The following RALYL variants were observed in gnomAD, a reference collection of about 807,000 sequenced individuals.
RALYL encodes the protein RALY RNA binding protein like.
Under a neutral mutation model 35.1 loss-of-function variants are expected in RALYL, and 29 were observed. The ratio of observed to expected loss-of-function variants is 0.83; its 90% CI spans 0.61 to 1.13. The LOEUF (loss-of-function observed/expected upper bound fraction) is 1.13, where lower values mean the gene tolerates loss of function less well. Among genes scored for constraint, RALYL ranks in the 50% most tolerant of loss-of-function variants. RALYL has a pLI of 0.00. For synonymous variants in RALYL, 120 were observed against 127.6 expected, an observed-to-expected ratio of 0.94 and a Z score of 0.40; for missense variants, 359 against 360.4, an observed-to-expected ratio of 1.00 and a Z score of 0.03.
At chr8:84,278,635 C>G (rs1003970562) in intron 1 of RALYL, among the ~76,000 whole-genome samples, 1 of 152,192 alleles carries the variant, frequency 6.6e-6, no homozygotes, top group African/African-American at 2.4e-5. Context: ...AATCGTCTCT[C>G]TCAAGTTCAA....
At chr8:84,338,140 A>G (rs1468703277) in intron 1 of RALYL, among the ~76,000 whole-genome samples, 1 of 151,892 alleles carries the variant, frequency 6.6e-6, no homozygotes, top group Non-Finnish European at 1.5e-5. Flanking sequence ...TTAGAGAATG[A>G]GATACCTTAC....
At chr8:84,339,998 T>C (rs1304373324) in intron 1 of RALYL, among the ~76,000 whole-genome samples, 1 of 152,094 alleles carries the variant, frequency 6.6e-6, no homozygotes, top group Non-Finnish European at 1.5e-5. Flanking sequence ...TTTCCCATGC[T>C]GTTCCCGTGA....
intron 1 of RALYL, among the ~76,000 whole-genome samples, chr8:84,388,291 C>T (rs1164036915): frequency 2.0e-5 from 3 of 151,932 alleles, no homozygotes; most frequent in East Asian, 3.9e-4. Flanking sequence ...TGATTAGTGC[C>T]GCAATAAACA....
At chr8:84,766,562 T>TAAAA (rs1208957585) in intron 2 of RALYL, among the ~76,000 whole-genome samples, 1 of 144,930 alleles carries the variant, frequency 6.9e-6, no homozygotes, top group Non-Finnish European at 1.5e-5. Flanking sequence ...AATAAATAAA[T>TAAAA]AAATAAATAA....
intron 2 of RALYL, among the ~76,000 whole-genome samples, chr8:84,602,955 G>A (rs766961933): frequency 1.3e-5 from 2 of 152,060 alleles, no homozygotes; most frequent in African/African-American, 4.8e-5. Context: ...TTAAGCTGAG[G>A]CTTGAGAGAT....
intron 2 of RALYL, among the ~76,000 whole-genome samples, chr8:84,770,406 T>TCATATATATATACATATATATATATACA (rs550466476): frequency 1.2e-4 from 18 of 150,186 alleles, no homozygotes; most frequent in African/African-American, 2.9e-4. Context: ...TAGTAGTCCA[T>TCATATATATATACATATATATATATACA]CATATATATA....
chr8:84,477,340 T>TATCCATC lies in RALYL; in HGVS notation c.-23-51958_-23-51952dup, dbSNP rs543466572. ...TTTCATCATAAGCACTGTGTGTGTG[T>TATCCATC]ATCCATCTATCTATTGATTTACATA... On this transcript the variant is annotated intron_variant, in intron 1 of 8. Coordinates refer to ENST00000521268, the MANE Select transcript of RALYL (RefSeq NM_173848.7). 6.9e-4 allele frequency among the ~76,000 whole-genome samples: 103 copies of TATCCATC among 149,380 alleles called. 2 individuals carry two copies. The highest frequency in any genetic ancestry group is 3.9e-3 in the Admixed American group (58 of 14,748).
At position 84,833,868 on chromosome 8, in the gene RALYL, T is replaced by C. The variant is rs566824020; in HGVS notation, c.366-16112T>C. On this transcript the variant is annotated intron_variant, in intron 4 of 8. Transcript: ENST00000521268. ...AGAATTTTGAAGACAATGAAATTAT[T>C]TGATATATGTAAAGCATTTAGAATA... Among the ~76,000 whole-genome samples, 133 of 151,646 alleles carry C rather than the reference T, an allele frequency of 8.8e-4. 3 individuals are homozygous for C. Among genetic ancestry groups the C allele is most frequent in the African/African-American group, 3.2e-3 (132 of 41,390 alleles).
intron 2 of RALYL, among the ~76,000 whole-genome samples, chr8:84,723,542 C>G (rs1427752959): frequency 6.6e-6 from 1 of 151,922 alleles, no homozygotes; most frequent in Non-Finnish European, 1.5e-5. Flanking sequence ...GTTATCGAAG[C>G]TAAACTTTTG....
At chr8:84,391,306 T>C (rs894726163) in intron 1 of RALYL, among the ~76,000 whole-genome samples, 2 of 152,018 alleles carry the variant, frequency 1.3e-5, no homozygotes, top group African/African-American at 2.4e-5. Context: ...GAATCCCTTC[T>C]GTTAACTATT....
chr8:84,477,274 G>A (rs191408969), intron 1 of RALYL, among the ~76,000 whole-genome samples: 35 of 151,872 alleles, frequency 2.3e-4, no homozygotes, highest in African/African-American at 6.7e-4. Flanking sequence ...AAATTGGATC[G>A]GGAGTTAGGG....
At chr8:84,306,520 A>G (rs909674650) in intron 1 of RALYL, among the ~76,000 whole-genome samples, 2 of 152,130 alleles carry the variant, frequency 1.3e-5, no homozygotes, top group Admixed American at 6.5e-5. Context: ...AATTACCTAC[A>G]GTGCCTGATG....
chr8:84,706,281 G>A (rs1841198396), intron 2 of RALYL, among the ~76,000 whole-genome samples: 1 of 152,094 alleles, frequency 6.6e-6, no homozygotes, highest in Admixed American at 6.6e-5. Flanking sequence ...CCTTGGAAAG[G>A]TTTACAAAAT....
chr8:84,505,717 C>A (rs2057113769), intron 1 of RALYL, among the ~76,000 whole-genome samples: 1 of 151,450 alleles, frequency 6.6e-6, no homozygotes, highest in South Asian at 2.1e-4. Flanking sequence ...TAAATGGAAA[C>A]AATCTAAAAC....
At chr8:84,756,412 C>T (rs1811419865) in intron 2 of RALYL, among the ~76,000 whole-genome samples, 1 of 152,134 alleles carries the variant, frequency 6.6e-6, no homozygotes, top group Non-Finnish European at 1.5e-5. Context: ...GCAGCCCCCA[C>T]TCCGTGGCTA....
At chr8:84,341,281 T>A (rs942104350) in intron 1 of RALYL, among the ~76,000 whole-genome samples, 2 of 151,870 alleles carry the variant, frequency 1.3e-5, no homozygotes, top group Non-Finnish European at 2.9e-5. Flanking sequence ...AAATATTATG[T>A]GCACAGTCAT....
chr8:84,325,560 C>A (rs1845646934), intron 1 of RALYL, among the ~76,000 whole-genome samples: 1 of 152,182 alleles, frequency 6.6e-6, no homozygotes, highest in Non-Finnish European at 1.5e-5. Flanking sequence ...GACTGCCTCT[C>A]CACTTTTTTG....
At chr8:84,697,342 C>A (rs1346782431) in intron 2 of RALYL, among the ~76,000 whole-genome samples, 1 of 151,888 alleles carries the variant, frequency 6.6e-6, no homozygotes, top group Non-Finnish European at 1.5e-5. Flanking sequence ...AATGTCTAGA[C>A]CAACATTTTC....
At chr8:84,456,880 C>T (rs2050195513) in intron 1 of RALYL, among the ~76,000 whole-genome samples, 1 of 151,900 alleles carries the variant, frequency 6.6e-6, no homozygotes, top group South Asian at 2.1e-4. Context: ...TACTATAGTA[C>T]ATTTTGTAGT....
Sources: allele counts gnomAD v4.1 joint callset (sites outside exome capture counted in the v4.1 genomes callset), GRCh38; gene constraint gnomAD v4.1.1; transcripts MANE v1.5; gene names NCBI Gene and HGNC (gene_info 2026-07-23, HGNC 2026-07-21).